Variants in PPP4R3A observed in about 807,000 individuals in gnomAD.
The protein encoded by PPP4R3A is protein phosphatase 4 regulatory subunit 3A, also known as serine/threonine-protein phosphatase 4 regulatory subunit 3A.
Under a neutral mutation model 91.7 loss-of-function variants are expected in PPP4R3A, and 15 were observed. The observed-to-expected ratio is 0.16, with a 90% CI of 0.11 to 0.25. The LOEUF is 0.25. Among genes scored for constraint, PPP4R3A ranks in the 10% least tolerant of loss-of-function variants. The pLI is 1.00. For missense variants in PPP4R3A, 623 were observed against 998.4 expected, an observed-to-expected ratio of 0.62 and a Z score of 5.07; for synonymous variants, 377 against 348.7, an observed-to-expected ratio of 1.08 and a Z score of -0.91.
At position 91,462,198 on chromosome 14, in the gene PPP4R3A, G is replaced by A; in HGVS notation, c.2015C>T (p.Ala672Val). ...ILRNHRYRRDARTLEDEEEMW... is the reference protein window; with the variant it reads ...ILRNHRYRRDVRTLEDEEEMW... The stretch of plus-strand genomic sequence containing the variant: ...CTCTTCTTCATCTTCTAGTGTTCTG[G>A]CATCTCTTCGATATCTGTGATTCCT... Residue 672 changes from alanine (A) to valine (V), a missense_variant, in exon 13 of 15, where the codon GCC becomes GTC. Coordinates refer to ENST00000554943, the MANE Select transcript of PPP4R3A (RefSeq NM_001366432.2). 6.3e-7 allele frequency: 1 copy of A among 1,597,932 alleles called. No homozygotes were observed. The highest frequency in any genetic ancestry group is 8.5e-7 in the Non-Finnish European group (1 of 1,175,020).
chr14:91,486,683 G>C (rs994279202), intron 2 of PPP4R3A, among the ~76,000 whole-genome samples: 5 of 152,038 alleles, frequency 3.3e-5, no homozygotes, highest in African/African-American at 1.2e-4. Flanking sequence ...ACTTTGGGAG[G>C]CTGAGGTGGG....
chr14:91,499,787 C>T (rs113673203), intron 1 of PPP4R3A, among the ~76,000 whole-genome samples: 1 of 147,134 alleles, frequency 6.8e-6, no homozygotes, highest in Non-Finnish European at 1.5e-5. Flanking sequence ...CACCACTGCA[C>T]TCCAACCTGG....
intron 7 of PPP4R3A, among the ~76,000 whole-genome samples, chr14:91,474,376 G>A (rs1366871552): frequency 6.6e-6 from 1 of 152,150 alleles, no homozygotes. Flanking sequence ...TTGCCTATGT[G>A]TATGCAAAGG....
chr14:91,481,229 G>A (rs982909977), intron 4 of PPP4R3A, among the ~76,000 whole-genome samples: 1 of 152,116 alleles, frequency 6.6e-6, no homozygotes, highest in Non-Finnish European at 1.5e-5. Context: ...CTACTCAGGA[G>A]GCTGCAGTGG....
chr14:91,461,422 CGGATCCAGGAGAGCCTGGAGATCCTGG>C lies in PPP4R3A; in HGVS notation c.2323_2349del (p.Pro775_Ser783del), dbSNP rs754187503. 4.3e-6 allele frequency: 7 copies of C among 1,613,518 alleles called. No individual in the cohort carries two copies. The highest frequency in any genetic ancestry group is 2.2e-5 in the East Asian group (1 of 44,864). On this transcript the variant is annotated inframe_deletion, in exon 14 of 15. Coordinates refer to ENST00000554943, the MANE Select transcript of PPP4R3A (RefSeq NM_001366432.2). Reference sequence around the variant, plus strand: ...GCCGTCTGAGATGTATTTTTAGGTACGGATCCAGGAGAGCCTGGAGATCCTGGGGATCCAGGTGATCCCGGAGAACCA... The same window carrying C: ...GCCGTCTGAGATGTATTTTTAGGTACGGATCCAGGTGATCCCGGAGAACCA...
intron 3 of PPP4R3A, among the ~76,000 whole-genome samples, chr14:91,484,819 A>G (rs538502424): frequency 1.3e-5 from 2 of 152,306 alleles, no homozygotes; most frequent in African/African-American, 4.8e-5. Context: ...AGATGGAGAA[A>G]CCTTCTCTAG....
intron 1 of PPP4R3A, among the ~76,000 whole-genome samples, chr14:91,506,352 T>C (rs2180886): frequency 0.88 from 133,539 of 152,278 alleles, 58,801 homozygotes; most frequent in East Asian, 0.96. Context: ...TTTAATATGG[T>C]TAATAGCACT....
intron 11 of PPP4R3A, among the ~76,000 whole-genome samples, chr14:91,463,974 C>CA (rs1305389385): frequency 6.6e-6 from 1 of 152,120 alleles, no homozygotes; most frequent in Non-Finnish European, 1.5e-5. Flanking sequence ...CATGTGTACT[C>CA]AAAGTTTAGT....
chr14:91,506,829 C>T (rs1052682090), intron 1 of PPP4R3A, among the ~76,000 whole-genome samples: 2 of 152,198 alleles, frequency 1.3e-5, no homozygotes, highest in African/African-American at 2.4e-5. Context: ...GGATTATAGG[C>T]GTGAGCCACC....
chr14:91,490,768 G>A lies in PPP4R3A; in HGVS notation c.177C>T (p.Asn59=), dbSNP rs766646579. Residue 59 remains asparagine (N), a synonymous_variant, in exon 2 of 15, where the codon AAC becomes AAT. Transcript: ENST00000554943. ...TTACCTGTTGTTTCTGGTATGCAGTGTTAGGATTTATTTTCGACTCTAAAA... is the reference window on the plus strand; with the variant it reads ...TTACCTGTTGTTTCTGGTATGCAGTATTAGGATTTATTTTCGACTCTAAAA... ...SLLLESKINP[N]TAYQKQQDTL... 4.4e-6 allele frequency: 7 copies of A among 1,608,600 alleles called. No individual in the cohort carries two copies. Among genetic ancestry groups the A allele is most frequent in the African/African-American group, 2.7e-5 (2 of 74,428 alleles).
intron 10 of PPP4R3A, among the ~76,000 whole-genome samples, chr14:91,469,187 T>C (rs1490062718): frequency 2.0e-5 from 3 of 151,666 alleles, no homozygotes; most frequent in Non-Finnish European, 4.4e-5. Context: ...CCCACAAGCT[T>C]AGCGTTCCAA....
intron 2 of PPP4R3A, among the ~76,000 whole-genome samples, chr14:91,490,398 T>C (rs1890168339): frequency 6.6e-6 from 1 of 152,316 alleles, no homozygotes; most frequent in African/African-American, 2.4e-5. Flanking sequence ...GAGATACTAA[T>C]GTTCCTTCTG....
At chr14:91,502,554 G>T (rs575309374) in intron 1 of PPP4R3A, among the ~76,000 whole-genome samples, 2 of 152,246 alleles carry the variant, frequency 1.3e-5, no homozygotes, top group African/African-American at 4.8e-5. Context: ...TTCTCTCACA[G>T]CTCTTACCCC....
At chr14:91,472,902 T>C (rs1270887773) in intron 9 of PPP4R3A, 131 bp downstream of exon 9, 2 of 750,572 alleles carry the variant, frequency 2.7e-6, no homozygotes, top group Non-Finnish European at 4.4e-6. Flanking sequence ...TAAAGACTAC[T>C]ACTTTTTAAA....
Position 91,461,487 on chromosome 14 carries a change from G to T in PPP4R3A, c.2285C>A (p.Thr762Lys). ...TCCCGGAGAACCAGGCAGATTTGTT[G>T]TAGATGACTGGCTGGTGAGGTTAGT... is the stretch of plus-strand genomic sequence containing the variant. ...TKTNLTSQSSTTNLPGSPGSP... is the reference protein window; with the variant it reads ...TKTNLTSQSSKTNLPGSPGSP... The change falls in exon 14 of 15, where the codon ACA (threonine) becomes AAA (lysine). Residue 762 changes from threonine to lysine, a missense_variant. By Grantham distance (78) the Thr-to-Lys change is moderately conservative (BLOSUM62 -1). Coordinates refer to ENST00000554943, the MANE Select transcript of PPP4R3A (RefSeq NM_001366432.2). The T allele has an allele frequency of 1.2e-6, 2 of 1,614,186 alleles. No homozygotes were observed. Among genetic ancestry groups the T allele is most frequent in the Non-Finnish European group, 1.7e-6 (2 of 1,180,040 alleles).
chr14:91,465,034 C>A (rs566896701), intron 11 of PPP4R3A, among the ~76,000 whole-genome samples: 42 of 152,160 alleles, frequency 2.8e-4, no homozygotes, highest in Non-Finnish European at 5.4e-4. Context: ...ATGGACCGGT[C>A]CGCGGCCAAG....
chr14:91,468,813 A>G (rs1888655376), intron 10 of PPP4R3A, among the ~76,000 whole-genome samples: 1 of 151,730 alleles, frequency 6.6e-6, no homozygotes, highest in South Asian at 2.1e-4. Context: ...CCAAGACACA[A>G]CTCAAGTTAC....
At chr14:91,489,403 T>C (rs1890098757) in intron 2 of PPP4R3A, among the ~76,000 whole-genome samples, 1 of 152,212 alleles carries the variant, frequency 6.6e-6, no homozygotes, top group South Asian at 2.1e-4. Flanking sequence ...AGAATCACTT[T>C]GTGGCTGATG....
At chr14:91,494,478 G>C (rs1231334988) in intron 1 of PPP4R3A, among the ~76,000 whole-genome samples, 4 of 152,164 alleles carry the variant, frequency 2.6e-5, no homozygotes, top group African/African-American at 9.7e-5. Flanking sequence ...CAATGAATTT[G>C]AATAGAAATT....
Sources: gnomAD v4.1 joint callset for allele counts (sites outside exome capture counted in the v4.1 genomes callset) on GRCh38, gnomAD v4.1.1 for gene constraint, MANE v1.5 for transcripts, NCBI Gene and HGNC (gene_info 2026-07-23, HGNC 2026-07-21) for gene names.